Variants in SLC9A2 observed in about 807,000 individuals in gnomAD.
SLC9A2 encodes sodium/hydrogen exchanger 2.
In SLC9A2, 42 loss-of-function variants were observed where a neutral mutation model predicts 71.7. The observed-to-expected ratio is 0.59, with a 90% CI of 0.46 to 0.76. The LOEUF is 0.76. Ranked by LOEUF, SLC9A2 falls within the 30% of genes least tolerant of loss-of-function variation. The pLI, the probability that SLC9A2 is intolerant of heterozygous loss-of-function variation, is 0.00. For missense variants in SLC9A2, 829 were observed against 1,017.4 expected (o/e 0.81, Z 2.52); for synonymous variants, 396 against 392.5 (o/e 1.01, Z -0.10).
chr2:102,666,830 A>T (rs12470797), intron 3 of SLC9A2, among the ~76,000 whole-genome samples: 47,227 of 152,046 alleles, frequency 0.31, 8,287 homozygotes, highest in East Asian at 0.52. Flanking sequence ...ACTTTGACAA[A>T]TATGTATTTA....
At chr2:102,657,530 C>T (rs764655341) in intron 1 of SLC9A2, 34 bp from the exon 2 acceptor site, 1 of 1,473,128 alleles carries the variant, frequency 6.8e-7, no homozygotes. Flanking sequence ...TCCTCCATAA[C>T]CCAAGTTGTG....
chr2:102,629,988 T>G (rs1309779609), intron 1 of SLC9A2, among the ~76,000 whole-genome samples: 1 of 152,094 alleles, frequency 6.6e-6, no homozygotes, highest in Non-Finnish European at 1.5e-5. Context: ...TCAAATAAAT[T>G]CCTAGAACAT....
intron 1 of SLC9A2, among the ~76,000 whole-genome samples, chr2:102,640,216 G>A (rs2104507474): frequency 6.6e-6 from 1 of 152,326 alleles, no homozygotes; most frequent in Non-Finnish European, 1.5e-5. Flanking sequence ...AGAAACTTGT[G>A]TTTCTCTGCT....
At chr2:102,671,134 A>G (rs1395959074) in intron 3 of SLC9A2, among the ~76,000 whole-genome samples, 1 of 152,224 alleles carries the variant, frequency 6.6e-6, no homozygotes, top group African/African-American at 2.4e-5. Flanking sequence ...AGTGTAAAGA[A>G]GAGCAGGAAG....
intron 1 of SLC9A2, among the ~76,000 whole-genome samples, chr2:102,631,407 T>C (rs1676354237): frequency 6.6e-6 from 1 of 152,036 alleles, no homozygotes; most frequent in Non-Finnish European, 1.5e-5. Flanking sequence ...CTCATCCTCA[T>C]GTAGGTGTTA....
chr2:102,697,681 G>T (rs939160322), intron 7 of SLC9A2, among the ~76,000 whole-genome samples: 1 of 146,824 alleles, frequency 6.8e-6, no homozygotes, highest in African/African-American at 2.5e-5. Flanking sequence ...GCAGGGAAGT[G>T]GGTGCGGGGG....
At chr2:102,703,061 A>C (rs1163010715) in intron 9 of SLC9A2, among the ~76,000 whole-genome samples, 1 of 152,146 alleles carries the variant, frequency 6.6e-6, no homozygotes, top group African/African-American at 2.4e-5. Flanking sequence ...CAGATAAAGA[A>C]ATTGAGGCAC....
intron 5 of SLC9A2, chr2:102,686,416 C>G (rs952975670): frequency 2.0e-5 from 3 of 152,234 alleles, no homozygotes; most frequent in Non-Finnish European, 4.4e-5. Context: ...CTAGTCATTT[C>G]TTCAAAAGAC....
At chr2:102,669,561 T>C (rs546093115) in intron 3 of SLC9A2, among the ~76,000 whole-genome samples, 47 of 152,288 alleles carry the variant, frequency 3.1e-4, no homozygotes, top group East Asian at 1.9e-3. Flanking sequence ...ATCAATAGCA[T>C]TGGACACCTT....
At chr2:102,660,562 A>G (rs1197138452) in intron 2 of SLC9A2, among the ~76,000 whole-genome samples, 3 of 152,226 alleles carry the variant, frequency 2.0e-5, no homozygotes, top group South Asian at 4.1e-4. Flanking sequence ...AAAAATTCTA[A>G]TTTTATCTCC....
intron 1 of SLC9A2, among the ~76,000 whole-genome samples, chr2:102,633,281 G>A (rs1303006860): frequency 5.9e-5 from 9 of 152,128 alleles, no homozygotes; most frequent in Non-Finnish European, 1.2e-4. Context: ...CAGCTATCAA[G>A]TGGCAGAGGT....
intron 1 of SLC9A2, among the ~76,000 whole-genome samples, chr2:102,622,638 A>T (rs960148861): frequency 6.6e-6 from 1 of 152,126 alleles, no homozygotes; most frequent in Non-Finnish European, 1.5e-5. Flanking sequence ...CTCATTTCTC[A>T]TCTTTGTGCG....
chr2:102,691,527 A>G (rs1279380797), intron 5 of SLC9A2, among the ~76,000 whole-genome samples: 3 of 152,196 alleles, frequency 2.0e-5, no homozygotes, highest in Non-Finnish European at 2.9e-5. Flanking sequence ...CCTGCAAAAT[A>G]GATGGATTGA....
intron 3 of SLC9A2, among the ~76,000 whole-genome samples, chr2:102,677,392 G>T (rs1677362563): frequency 6.6e-6 from 1 of 152,174 alleles, no homozygotes; most frequent in South Asian, 2.1e-4. Context: ...AACCTCAGTT[G>T]CTGGTGTAAG....
At chr2:102,644,534 C>T (rs1440609185) in intron 1 of SLC9A2, among the ~76,000 whole-genome samples, 1 of 152,214 alleles carries the variant, frequency 6.6e-6, no homozygotes, top group Non-Finnish European at 1.5e-5. Flanking sequence ...GATCCCACTC[C>T]TATGGAGACC....
At chr2:102,658,157 GC>G in intron 2 of SLC9A2, 130 bp downstream of exon 2, 1 of 637,942 alleles carries the variant, frequency 1.6e-6, no homozygotes, top group Non-Finnish European at 2.7e-6. Context: ...ATTGCCCAGG[GC>G]CCTTCACTTG....
intron 1 of SLC9A2, among the ~76,000 whole-genome samples, chr2:102,642,211 C>T (rs1475343457): frequency 6.6e-6 from 1 of 152,176 alleles, no homozygotes; most frequent in East Asian, 1.9e-4. Flanking sequence ...GCAAGCATTT[C>T]TTCAACATGC....
chr2:102,644,424 T>TG (rs1676674936), intron 1 of SLC9A2, among the ~76,000 whole-genome samples: 1 of 151,302 alleles, frequency 6.6e-6, no homozygotes, highest in African/African-American at 2.4e-5. Flanking sequence ...TGCAGGAGGC[T>TG]CCCCCCCGCC....
intron 3 of SLC9A2, among the ~76,000 whole-genome samples, chr2:102,677,124 A>G (rs1677358343): frequency 6.6e-6 from 1 of 152,232 alleles, no homozygotes; most frequent in Non-Finnish European, 1.5e-5. Flanking sequence ...ATAGTCTCAA[A>G]GCACACATTC....
Sources: gnomAD v4.1 joint callset for allele counts (sites outside exome capture counted in the v4.1 genomes callset) on GRCh38, gnomAD v4.1.1 for gene constraint, MANE v1.5 for transcripts, NCBI Gene and HGNC (gene_info 2026-07-23, HGNC 2026-07-21) for gene names.